MCC: variants seen among roughly 807,000 people sequenced by gnomAD.
The protein encoded by MCC is MCC regulator of Wnt signaling pathway, also known as colorectal mutant cancer protein.
MCC carries 90 observed loss-of-function variants against 116.2 expected under a neutral mutation model. The ratio of observed to expected loss-of-function variants is 0.77; its 90% confidence interval spans 0.65 to 0.92. MCC has a LOEUF of 0.92. Ranked by LOEUF, MCC falls within the 40% of genes least tolerant of loss-of-function variation. The pLI, the probability that MCC is intolerant of heterozygous loss-of-function variation, is 0.00. For missense variants in MCC, 1,516 were observed against 1,312.2 expected (o/e 1.16, Z -2.40); for synonymous variants, 578 against 510.5 (o/e 1.13, Z -1.78).
At chr5:113,249,183 A>G (rs1287661873) in intron 3 of MCC, among the ~76,000 whole-genome samples, 2 of 151,882 alleles carry the variant, frequency 1.3e-5, no homozygotes, top group African/African-American at 4.8e-5. Context: ...TGGACACCAC[A>G]CTGTCTGTGG....
chr5:113,434,515 G>A lies in MCC; in HGVS notation c.171-49303C>T. 6.2e-7 allele frequency: 1 copy of A among 1,612,896 alleles called. No homozygotes were observed. The highest frequency in any genetic ancestry group is 8.5e-7 in the Non-Finnish European group (1 of 1,179,012). ...AACTTCTTGCGAGCTTCGTCCTCAT[G>A]CAGGGCTCCCCGGGTTTTGATTAAC... On this transcript the variant is annotated intron_variant, in intron 1 of 18. Coordinates refer to ENST00000408903, the MANE Select transcript of MCC (RefSeq NM_001085377.2). This position sits in a 1 kb window ranked among gnomAD's most constrained non-coding sequence, Gnocchi z 4.2.
chr5:113,312,016 G>T (rs1767145833), intron 3 of MCC, among the ~76,000 whole-genome samples: 1 of 152,208 alleles, frequency 6.6e-6, no homozygotes. Context: ...TGAGGCAGGA[G>T]AATCGCTTGA....
chr5:113,348,404 CAA>C (rs1209561462), intron 2 of MCC, among the ~76,000 whole-genome samples: 2 of 151,978 alleles, frequency 1.3e-5, no homozygotes, highest in Non-Finnish European at 1.5e-5. Flanking sequence ...AAATCAATAA[CAA>C]GAGGAATTTT....
intron 3 of MCC, among the ~76,000 whole-genome samples, chr5:113,252,299 G>T (rs146556410): frequency 2.6e-5 from 4 of 152,180 alleles, no homozygotes; most frequent in Non-Finnish European, 4.4e-5. Context: ...GTGGGTGGGC[G>T]AGTGAGAGAA....
rs898186717 is a variant in MCC, at chr5:113,064,182, A to G, written c.2030-15T>C. The G allele has an allele frequency of 1.3e-6, 2 of 1,599,578 alleles. No individual in the cohort carries two copies. Among genetic ancestry groups the G allele is most frequent in the Admixed American group, 1.7e-5 (1 of 58,974 alleles). On this transcript the variant is annotated splice_polypyrimidine_tract_variant and intron_variant, in intron 13 of 18. Transcript: ENST00000408903. ...CGACTGGTCTCCTATGTGGCAGAGA[A>G]GCCAACGGATTAATCAACATAGGCC...
At chr5:113,060,066 G>A (rs550551149) in intron 14 of MCC, among the ~76,000 whole-genome samples, 15 of 152,280 alleles carry the variant, frequency 9.9e-5, no homozygotes, top group African/African-American at 3.4e-4. Flanking sequence ...TTGAAAATCC[G>A]TGATGACATT....
intron 3 of MCC, among the ~76,000 whole-genome samples, chr5:113,219,084 A>G (rs1257040408): frequency 2.6e-5 from 4 of 152,216 alleles, no homozygotes; most frequent in Non-Finnish European, 5.9e-5. Context: ...GGCTCTCGAG[A>G]GTGTTTCCAG....
chr5:113,398,861 T>C (rs1283015989), intron 1 of MCC, among the ~76,000 whole-genome samples: 3 of 152,252 alleles, frequency 2.0e-5, no homozygotes, highest in Non-Finnish European at 4.4e-5. Context: ...TTGAAACCTA[T>C]TTCAATTTAT....
At chr5:113,133,889 GTCT>G (rs750283748) in intron 5 of MCC, among the ~76,000 whole-genome samples, 46 of 152,180 alleles carry the variant, frequency 3.0e-4, no homozygotes, top group South Asian at 1.9e-3. Flanking sequence ...CCATTTGTAC[GTCT>G]TCTTTTGAGC....
At chr5:113,451,249 G>C (rs1771384546) in intron 1 of MCC, among the ~76,000 whole-genome samples, 1 of 152,196 alleles carries the variant, frequency 6.6e-6, no homozygotes, top group Non-Finnish European at 1.5e-5. Flanking sequence ...CCCTTGCTCT[G>C]TACTACAACA....
intron 7 of MCC, among the ~76,000 whole-genome samples, chr5:113,103,028 C>T (rs1159767277): frequency 2.0e-5 from 3 of 152,074 alleles, no homozygotes; most frequent in East Asian, 1.9e-4. Context: ...GCAGGAGAAT[C>T]GCTTGAATCT....
chr5:113,027,326 TG>T lies in MCC; in HGVS notation c.3035del (p.Pro1012HisfsTer47). On this transcript the variant is annotated frameshift_variant, in exon 19 of 19. Transcript: ENST00000408903. LOFTEE classifies it high-confidence loss of function. The stretch of plus-strand genomic sequence containing the variant: ...ATTAAAGCGAAGTTTCATTGGTGTG[TG>T]GCCTGGAGTTCTCCTCCTCTAGCAG... ...IALLEEENSR[P>X]HTNETSL 6.2e-7 allele frequency: 1 copy of T among 1,614,194 alleles called. No homozygotes were observed. Among genetic ancestry groups the T allele is most frequent in the Non-Finnish European group, 8.5e-7 (1 of 1,180,010 alleles).
chr5:113,408,773 T>C (rs954068330), intron 1 of MCC, among the ~76,000 whole-genome samples: 12 of 152,146 alleles, frequency 7.9e-5, no homozygotes, highest in Admixed American at 2.6e-4. Flanking sequence ...GTTTTGGGGG[T>C]TCTCCTAGGG....
chr5:113,474,568 C>A (rs989354299), intron 1 of MCC, among the ~76,000 whole-genome samples: 1 of 152,176 alleles, frequency 6.6e-6, no homozygotes, highest in Non-Finnish European at 1.5e-5. Context: ...CTGTAAGGAA[C>A]AGGCAACTGT....
chr5:113,192,491 T>C (rs992654865), intron 3 of MCC, among the ~76,000 whole-genome samples: 1 of 152,198 alleles, frequency 6.6e-6, no homozygotes, highest in Non-Finnish European at 1.5e-5. Context: ...TTTTTATAAT[T>C]AGCATATGTC....
chr5:113,403,626 T>G (rs568668517), intron 1 of MCC, among the ~76,000 whole-genome samples: 1 of 152,206 alleles, frequency 6.6e-6, no homozygotes, highest in African/African-American at 2.4e-5. Flanking sequence ...GTGGTAAAGT[T>G]CCAGCCGGAG....
chr5:113,215,333 T>C (rs1048851540), intron 3 of MCC, among the ~76,000 whole-genome samples: 1 of 152,248 alleles, frequency 6.6e-6, no homozygotes, highest in African/African-American at 2.4e-5. Context: ...TGTTTCTTAA[T>C]ATCTGTTGAA....
intron 1 of MCC, among the ~76,000 whole-genome samples, chr5:113,480,070 G>A (rs1772336649): frequency 6.6e-6 from 1 of 152,272 alleles, no homozygotes; most frequent in East Asian, 1.9e-4. Context: ...AAAGTTAGAT[G>A]ACTTTTCTCT....
At chr5:113,112,090 C>T (rs72803252) in intron 6 of MCC, among the ~76,000 whole-genome samples, 9,343 of 152,242 alleles carry the variant, frequency 0.061, 377 homozygotes, top group Middle Eastern at 0.12. Flanking sequence ...ACCAAGCAGT[C>T]CCCTCTTTAC....
Sources: allele counts gnomAD v4.1 joint callset (sites outside exome capture counted in the v4.1 genomes callset), GRCh38; gene constraint gnomAD v4.1.1; non-coding constraint Gnocchi (gnomAD v3.1); transcripts MANE v1.5; gene names NCBI Gene and HGNC (gene_info 2026-07-23, HGNC 2026-07-21).